Variants in TAF4B observed in about 807,000 individuals in gnomAD.
TAF4B encodes TATA-box binding protein associated factor 4b.
A neutral mutation model predicts 86.4 loss-of-function variants in TAF4B; 38 were observed. The observed-to-expected ratio is 0.44, with a 90% confidence interval of 0.34 to 0.58. The LOEUF (loss-of-function observed/expected upper bound fraction) is 0.58, where lower values mean the gene tolerates loss of function less well. Ranked by LOEUF, TAF4B falls within the 20% of genes least tolerant of loss-of-function variation. The pLI is 0.02. For missense variants in TAF4B, 988 were observed against 1,027.6 expected, an observed-to-expected ratio of 0.96 and a Z score of 0.53; for synonymous variants, 388 against 391.2, an observed-to-expected ratio of 0.99 and a Z score of 0.10.
At chr18:26,373,603 G>C (rs921809571) in intron 14 of TAF4B, among the ~76,000 whole-genome samples, 2 of 152,168 alleles carry the variant, frequency 1.3e-5, no homozygotes, top group African/African-American at 4.8e-5. Flanking sequence ...AGTGTTGTAT[G>C]AAAGTGTTTA....
intron 14 of TAF4B, among the ~76,000 whole-genome samples, chr18:26,358,909 T>G (rs1266489128): frequency 6.6e-6 from 1 of 152,192 alleles, no homozygotes; most frequent in African/African-American, 2.4e-5. Flanking sequence ...ATTGGTAGTT[T>G]CTAAATGAAC....
At chr18:26,258,513 C>G (rs1454427594) in intron 1 of TAF4B, among the ~76,000 whole-genome samples, 1 of 152,040 alleles carries the variant, frequency 6.6e-6, no homozygotes, top group Non-Finnish European at 1.5e-5. Context: ...TTTTTAAAAA[C>G]CAGTTATGAA....
At position 26,244,605 on chromosome 18, in the gene TAF4B, C is replaced by T. The variant is rs547020505; in HGVS notation, c.343+17329C>T. Reference sequence around the variant, plus strand: ...GTCCAACAAGTCCCAGTTAGATGAACCCAGTACCTCAGTTGGGGATGCAGC... The same window carrying T: ...GTCCAACAAGTCCCAGTTAGATGAATCCAGTACCTCAGTTGGGGATGCAGC... On this transcript the variant is annotated intron_variant, in intron 1 of 14. Transcript: ENST00000269142. 2.7e-4 allele frequency among the ~76,000 whole-genome samples: 41 copies of T among 152,338 alleles called. No homozygotes were observed. The South Asian group carries it at 7.7e-3, about 28-fold the overall frequency.
chr18:26,354,628 G>T (rs2057272007), intron 13 of TAF4B, among the ~76,000 whole-genome samples: 1 of 152,174 alleles, frequency 6.6e-6, no homozygotes, highest in African/African-American at 2.4e-5. Context: ...TGATAAGAGG[G>T]CTCAGAAGTT....
chr18:26,253,991 T>C (rs2049165763), intron 1 of TAF4B, among the ~76,000 whole-genome samples: 2 of 148,418 alleles, frequency 1.3e-5, no homozygotes, highest in African/African-American at 5.0e-5. Flanking sequence ...AGTGGCATGA[T>C]CTTAGCTCAC....
intron 1 of TAF4B, among the ~76,000 whole-genome samples, chr18:26,237,335 TA>T (rs2055764409): frequency 6.6e-6 from 1 of 152,204 alleles, no homozygotes; most frequent in Non-Finnish European, 1.5e-5. Flanking sequence ...CTAGACCCTG[TA>T]GGACATCTAT....
At chr18:26,356,527 A>G (rs530252877) in intron 13 of TAF4B, among the ~76,000 whole-genome samples, 1 of 152,258 alleles carries the variant, frequency 6.6e-6, no homozygotes, top group South Asian at 2.1e-4. Flanking sequence ...ATTTTTAAAC[A>G]TGTGTTAAAA....
chr18:26,369,927 G>A (rs192513863), intron 14 of TAF4B, among the ~76,000 whole-genome samples: 1 of 152,218 alleles, frequency 6.6e-6, no homozygotes, highest in Admixed American at 6.5e-5. Flanking sequence ...TTGGTTCTCT[G>A]GTCTAATCAG....
At chr18:26,342,206 G>T (rs1393706656) in intron 13 of TAF4B, among the ~76,000 whole-genome samples, 1 of 152,062 alleles carries the variant, frequency 6.6e-6, no homozygotes, top group Non-Finnish European at 1.5e-5. Flanking sequence ...GATACACTTT[G>T]TTTCTCTAAT....
At chr18:26,299,568 CTT>C (rs1568137699) in intron 9 of TAF4B, among the ~76,000 whole-genome samples, 2 of 152,052 alleles carry the variant, frequency 1.3e-5, no homozygotes, top group Non-Finnish European at 2.9e-5. Flanking sequence ...TCCCCCCCTC[CTT>C]TGTTTTAAGC....
chr18:26,280,676 A>G (rs1011062078), intron 5 of TAF4B, among the ~76,000 whole-genome samples: 2 of 152,226 alleles, frequency 1.3e-5, no homozygotes, highest in African/African-American at 4.8e-5. Context: ...TGCAAAGAGA[A>G]GCGAACACTT....
intron 1 of TAF4B, among the ~76,000 whole-genome samples, chr18:26,249,680 A>G (rs1397604396): frequency 6.6e-6 from 1 of 152,188 alleles, no homozygotes; most frequent in Non-Finnish European, 1.5e-5. Context: ...TTCACTTATC[A>G]TTATATGGTG....
intron 13 of TAF4B, among the ~76,000 whole-genome samples, chr18:26,357,414 G>A (rs563529854): frequency 1.2e-4 from 18 of 152,246 alleles, no homozygotes; most frequent in African/African-American, 3.4e-4. Flanking sequence ...TCTTATCTGT[G>A]TTATACTGGG....
At chr18:26,368,755 A>G (rs1240669841) in intron 14 of TAF4B, among the ~76,000 whole-genome samples, 1 of 152,142 alleles carries the variant, frequency 6.6e-6, no homozygotes, top group Non-Finnish European at 1.5e-5. Context: ...TTCATGAACA[A>G]ATCTGCCTTG....
At chr18:26,276,960 C>T (rs1265131792) in intron 5 of TAF4B, among the ~76,000 whole-genome samples, 3 of 152,130 alleles carry the variant, frequency 2.0e-5, no homozygotes, top group Non-Finnish European at 2.9e-5. Context: ...GAACGACAAA[C>T]AGCAGTTCTA....
intron 14 of TAF4B, among the ~76,000 whole-genome samples, chr18:26,384,248 T>G (rs527761127): frequency 3.5e-4 from 54 of 152,330 alleles, no homozygotes; most frequent in Admixed American, 7.8e-4. Flanking sequence ...ATTAAGAAAT[T>G]CTCAGTTTTT....
At chr18:26,311,401 G>A (rs777623461) in intron 9 of TAF4B, among the ~76,000 whole-genome samples, 15 of 152,100 alleles carry the variant, frequency 9.9e-5, no homozygotes, top group Non-Finnish European at 1.9e-4. Flanking sequence ...TTGGGAGGCC[G>A]AGGCAGGCAG....
chr18:26,384,950 C>T (rs1978317709), intron 14 of TAF4B, among the ~76,000 whole-genome samples: 1 of 152,062 alleles, frequency 6.6e-6, no homozygotes, highest in Non-Finnish European at 1.5e-5. Flanking sequence ...CAGTTCTTGC[C>T]CATAGTAGGT....
chr18:26,368,959 AAAG>A (rs1184206229), intron 14 of TAF4B, among the ~76,000 whole-genome samples: 3 of 152,230 alleles, frequency 2.0e-5, no homozygotes, highest in African/African-American at 7.2e-5. Context: ...TAACAAGAAC[AAAG>A]AAGAAAGGAG....
Sources: gnomAD v4.1 joint callset for allele counts (sites outside exome capture counted in the v4.1 genomes callset) on GRCh38, gnomAD v4.1.1 for gene constraint, MANE v1.5 for transcripts, NCBI Gene and HGNC (gene_info 2026-07-23, HGNC 2026-07-21) for gene names.